The following CSMD3 variants were observed in gnomAD, a reference collection of about 807,000 sequenced individuals.
CSMD3 encodes the protein CUB and Sushi multiple domains 3.
A neutral mutation model predicts 435.2 loss-of-function variants in CSMD3; 177 were observed. The ratio of observed to expected loss-of-function variants is 0.41; its 90% CI spans 0.36 to 0.46. The LOEUF (loss-of-function observed/expected upper bound fraction) is 0.46. Ranked by LOEUF, CSMD3 falls within the 20% of genes least tolerant of loss-of-function variation. The pLI, the probability that CSMD3 is intolerant of heterozygous loss-of-function variation, is 0.34. For synonymous variants in CSMD3, 1,656 were observed against 1,520.5 expected (o/e 1.09, Z -2.07); for missense variants, 4,265 against 4,504.6 (o/e 0.95, Z 1.52).
chr8:113,213,504 T>C (rs907910479), intron 3 of CSMD3, among the ~76,000 whole-genome samples: 4 of 151,416 alleles, frequency 2.6e-5, no homozygotes, highest in South Asian at 2.1e-4. Context: ...TTATTATTCT[T>C]TTGTGTGTTT....
intron 13 of CSMD3, among the ~76,000 whole-genome samples, chr8:112,696,827 C>T (rs1278219811): frequency 1.3e-5 from 2 of 151,748 alleles, no homozygotes; most frequent in Non-Finnish European, 2.9e-5. Context: ...ATCTACTCAT[C>T]TGACAAAGGG....
intron 1 of CSMD3, among the ~76,000 whole-genome samples, chr8:113,411,188 T>C (rs1249343751): frequency 2.0e-5 from 3 of 152,010 alleles, no homozygotes; most frequent in Non-Finnish European, 4.4e-5. Flanking sequence ...AGGAAAATAT[T>C]ATGTGAGCTT....
intron 6 of CSMD3, chr8:113,018,685 A>G (rs2086565467): frequency 5.1e-6 from 1 of 197,186 alleles, no homozygotes; most frequent in Non-Finnish European, 1.1e-5. Context: ...GCAGTAACAA[A>G]CATGCTGCAT....
intron 13 of CSMD3, among the ~76,000 whole-genome samples, chr8:112,703,523 G>T (rs2131886215): frequency 6.6e-6 from 1 of 152,246 alleles, no homozygotes; most frequent in East Asian, 1.9e-4. Context: ...AATTCAATCA[G>T]ATTTCCAGCC....
At chr8:112,559,578 A>C (rs1038386565) in intron 24 of CSMD3, among the ~76,000 whole-genome samples, 13 of 151,820 alleles carry the variant, frequency 8.6e-5, no homozygotes, top group African/African-American at 3.1e-4. Flanking sequence ...CTTAATAAGA[A>C]TCTATCTGCA....
chr8:113,416,219 G>A (rs995881512), intron 1 of CSMD3, among the ~76,000 whole-genome samples: 6 of 151,940 alleles, frequency 3.9e-5, no homozygotes, highest in Non-Finnish European at 7.4e-5. Context: ...GACAATCTGG[G>A]ATTTTAAAAT....
At chr8:112,767,136 T>C (rs1018379905) in intron 13 of CSMD3, among the ~76,000 whole-genome samples, 3 of 151,776 alleles carry the variant, frequency 2.0e-5, no homozygotes, top group Admixed American at 6.6e-5. Context: ...AAAACAATGA[T>C]GAAAAGTAGA....
At chr8:113,314,381 C>T in intron 2 of CSMD3, 190 bp downstream of exon 2, 1 of 586,586 alleles carries the variant, frequency 1.7e-6, no homozygotes, top group Middle Eastern at 4.7e-4. Context: ...TATTAATGTA[C>T]TAGCAATATG....
intron 24 of CSMD3, among the ~76,000 whole-genome samples, chr8:112,566,979 AAG>A (rs771381393): frequency 3.9e-5 from 6 of 152,204 alleles, no homozygotes; most frequent in Middle Eastern, 6.8e-3. Context: ...TCTCACAAGA[AAG>A]AGAGCTGTTC....
Position 112,222,980 on chromosome 8 carries a change from T to A in CSMD3, c.*1791A>T. ...TTTTGTTTACATTGCACTGAAAATT[T>A]ACATCATACTTTTACAAAGTTTCTT... On this transcript the variant is annotated 3_prime_UTR_variant, in exon 71 of 71. Transcript: ENST00000297405. The A allele has an allele frequency of 2.5e-6, 1 of 397,586 alleles. No individual in the cohort carries two copies. The highest frequency in any genetic ancestry group is 4.4e-6 in the Non-Finnish European group (1 of 225,088). The allele number at this position is 397,586 out of a possible 1,614,324, so 24.6% of individuals were successfully genotyped here. A position where few individuals can be genotyped will look rare whatever the true frequency, so the allele number is the denominator to read the frequency against.
At chr8:113,348,586 C>A (rs893425237) in intron 1 of CSMD3, among the ~76,000 whole-genome samples, 1 of 151,902 alleles carries the variant, frequency 6.6e-6, no homozygotes, top group Admixed American at 6.6e-5. Flanking sequence ...TCCTGGAGAT[C>A]AAGGAAGCAG....
chr8:112,524,816 G>T (rs1455742571), intron 27 of CSMD3, among the ~76,000 whole-genome samples: 1 of 151,758 alleles, frequency 6.6e-6, no homozygotes, highest in Non-Finnish European at 1.5e-5. Context: ...TGTACAAAAA[G>T]CATCTTCTTT....
chr8:112,450,127 C>T (rs955411692), intron 32 of CSMD3, among the ~76,000 whole-genome samples: 1 of 152,144 alleles, frequency 6.6e-6, no homozygotes, highest in Admixed American at 6.6e-5. Context: ...TGACAATCCT[C>T]TCAATAAGTC....
intron 13 of CSMD3, among the ~76,000 whole-genome samples, chr8:112,775,877 C>A (rs945155717): frequency 6.6e-6 from 1 of 151,806 alleles, no homozygotes; most frequent in Non-Finnish European, 1.5e-5. Context: ...ATCATAAAAA[C>A]TAATACCTTT....
At chr8:113,261,186 G>T (rs566013487) in intron 3 of CSMD3, among the ~76,000 whole-genome samples, 67 of 152,086 alleles carry the variant, frequency 4.4e-4, no homozygotes, top group Non-Finnish European at 8.8e-4. Flanking sequence ...TGTCAATATG[G>T]AATGAAACAT....
intron 11 of CSMD3, among the ~76,000 whole-genome samples, chr8:112,850,161 T>C (rs112975499): frequency 0.034 from 5,162 of 152,250 alleles, 146 homozygotes; most frequent in Middle Eastern, 0.051. Flanking sequence ...GTTTTCCTTC[T>C]GATAAATCAA....
At chr8:112,527,232 G>A (rs1215782312) in intron 27 of CSMD3, among the ~76,000 whole-genome samples, 2 of 151,552 alleles carry the variant, frequency 1.3e-5, no homozygotes, top group Non-Finnish European at 3.0e-5. Flanking sequence ...TAAATATAAA[G>A]ACACTGATAA....
At chr8:112,579,517 A>G (rs1830187351) in intron 23 of CSMD3, among the ~76,000 whole-genome samples, 4 of 152,166 alleles carry the variant, frequency 2.6e-5, no homozygotes, top group Admixed American at 2.6e-4. Flanking sequence ...CAATAATTAG[A>G]AAATTTTAAA....
intron 32 of CSMD3, among the ~76,000 whole-genome samples, chr8:112,443,298 A>T (rs1251787704): frequency 6.6e-6 from 1 of 152,194 alleles, no homozygotes; most frequent in African/African-American, 2.4e-5. Context: ...GCAAACGGTT[A>T]TTTTGAAATG....
Sources: gnomAD v4.1 joint callset for allele counts (sites outside exome capture counted in the v4.1 genomes callset) on GRCh38, gnomAD v4.1.1 for gene constraint, MANE v1.5 for transcripts, NCBI Gene and HGNC (gene_info 2026-07-23, HGNC 2026-07-21) for gene names.